The following SHTN1 variants were observed in gnomAD, a reference collection of about 807,000 sequenced individuals.
SHTN1 encodes shootin-1.
A neutral mutation model predicts 83.1 loss-of-function variants in SHTN1; 42 were observed. That is an observed-to-expected ratio of 0.51 (90% CI 0.39 to 0.65). SHTN1 has a LOEUF of 0.65. SHTN1 is among the 30% of genes least tolerant of loss of function. SHTN1 has a pLI of 0.00. For missense variants in SHTN1, 622 were observed against 737.8 expected, an observed-to-expected ratio of 0.84 and a Z score of 1.82; for synonymous variants, 224 against 247.7, an observed-to-expected ratio of 0.90 and a Z score of 0.90.
intron 1 of SHTN1, among the ~76,000 whole-genome samples, chr10:117,097,979 G>C (rs574686694): frequency 6.6e-6 from 1 of 151,916 alleles, no homozygotes; most frequent in African/African-American, 2.4e-5. Flanking sequence ...AATGCTTCAC[G>C]TGAAGTGGAG....
chr10:116,983,641 T>C (rs992670685), intron 1 of SHTN1, among the ~76,000 whole-genome samples: 19 of 118,046 alleles, frequency 1.6e-4, no homozygotes, highest in African/African-American at 7.8e-4. Context: ...TCCAGATAGA[T>C]AGATAGATAG....
chr10:117,012,145 A>AG (rs1852116163), intron 2 of SHTN1, among the ~76,000 whole-genome samples: 1 of 151,728 alleles, frequency 6.6e-6, no homozygotes. Context: ...TCTCAAAAAA[A>AG]AAAAAAAAGA....
chr10:117,116,757 T>A (rs1589938848), intron 1 of SHTN1, among the ~76,000 whole-genome samples: 1 of 152,238 alleles, frequency 6.6e-6, no homozygotes, highest in East Asian at 1.9e-4. Flanking sequence ...TGGTTCAACA[T>A]ACACAAAGTA....
intron 1 of SHTN1, among the ~76,000 whole-genome samples, chr10:116,981,885 C>T (rs1851033121): frequency 6.6e-6 from 1 of 152,014 alleles, no homozygotes. Context: ...GGTGAAACAC[C>T]GTCTCTACTA....
intron 1 of SHTN1, among the ~76,000 whole-genome samples, chr10:116,999,926 C>CATAA (rs1242417237): frequency 2.0e-5 from 3 of 152,076 alleles, no homozygotes; most frequent in African/African-American, 2.4e-5. Flanking sequence ...TAAATAAATA[C>CATAA]ATAAATAAAT....
chr10:116,942,235 T>C (rs963088649), intron 8 of SHTN1, among the ~76,000 whole-genome samples: 2 of 150,948 alleles, frequency 1.3e-5, no homozygotes, highest in East Asian at 1.9e-4. Flanking sequence ...TTTTTTGAGA[T>C]GGAGTCTCGC....
chr10:116,997,933 A>T (rs939242329), intron 1 of SHTN1, among the ~76,000 whole-genome samples: 5 of 152,178 alleles, frequency 3.3e-5, no homozygotes, highest in Middle Eastern at 3.2e-3. Context: ...TCTACTAAAA[A>T]TACATAAAAT....
chr10:116,892,537 T>C (rs181317736), intron 16 of SHTN1, among the ~76,000 whole-genome samples: 61 of 152,340 alleles, frequency 4.0e-4, no homozygotes, highest in African/African-American at 1.4e-3. Flanking sequence ...ATTCACCATA[T>C]ATAACATTGG....
At position 117,048,569 on chromosome 10, in the gene SHTN1, A is replaced by G. The variant is rs1053035097; in HGVS notation, c.-188-59T>C. 90 of 592,216 alleles carry G rather than the reference A, an allele frequency of 1.5e-4. No homozygotes were observed. The South Asian group carries it at 2.8e-3, about 18-fold the overall frequency. 36.7% of individuals were successfully genotyped at this position (592,216 alleles called of 1,614,324 possible). On this transcript the variant is annotated intron_variant, in intron 1 of 17. Transcript: ENST00000392901. ...AAAATACTGTAATTACAGTGCAATT[A>G]AGCATACTGCATATTAAACGTGCAA...
At chr10:116,906,409 G>C (rs995422151) in intron 15 of SHTN1, among the ~76,000 whole-genome samples, 1 of 152,056 alleles carries the variant, frequency 6.6e-6, no homozygotes, top group African/African-American at 2.4e-5. Context: ...ATAAATGCCT[G>C]GTTACCTACA....
intron 1 of SHTN1, among the ~76,000 whole-genome samples, chr10:116,983,335 T>C (rs1371987427): frequency 6.6e-6 from 1 of 152,190 alleles, no homozygotes; most frequent in African/African-American, 2.4e-5. Flanking sequence ...TACAGCAAAG[T>C]ACCTCAAATT....
chr10:117,110,299 CAA>C (rs1037654871), intron 1 of SHTN1, among the ~76,000 whole-genome samples: 2 of 152,280 alleles, frequency 1.3e-5, no homozygotes, highest in African/African-American at 4.8e-5. Context: ...CTGTCAAAAT[CAA>C]AGAGGCAGTC....
intron 1 of SHTN1, among the ~76,000 whole-genome samples, chr10:117,079,802 T>C (rs1853230392): frequency 6.8e-6 from 1 of 147,458 alleles, no homozygotes; most frequent in Non-Finnish European, 1.5e-5. Context: ...GATGAGCACT[T>C]TTTCATGTGT....
intron 12 of SHTN1, among the ~76,000 whole-genome samples, chr10:116,916,718 G>A (rs1848397132): frequency 6.6e-6 from 1 of 152,128 alleles, no homozygotes; most frequent in Non-Finnish European, 1.5e-5. Context: ...CATTCCTCTT[G>A]TGTAAGCGCC....
At chr10:116,998,330 C>T (rs1851703698) in intron 1 of SHTN1, among the ~76,000 whole-genome samples, 1 of 151,962 alleles carries the variant, frequency 6.6e-6, no homozygotes, top group African/African-American at 2.4e-5. Flanking sequence ...CAGTAGTTTC[C>T]CTCTTATCTA....
At chr10:117,056,706 G>A (rs1852831107) in intron 1 of SHTN1, among the ~76,000 whole-genome samples, 1 of 152,170 alleles carries the variant, frequency 6.6e-6, no homozygotes, top group Non-Finnish European at 1.5e-5. Context: ...AGCTACTCAT[G>A]AGGCTGAGGC....
At chr10:116,997,348 GCATT>G (rs1342149365) in intron 1 of SHTN1, among the ~76,000 whole-genome samples, 9 of 152,214 alleles carry the variant, frequency 5.9e-5, no homozygotes, top group Non-Finnish European at 1.0e-4. Context: ...TGCACTGCAT[GCATT>G]AATAAACTTG....
At chr10:117,086,764 A>G (rs78405684) in intron 1 of SHTN1, among the ~76,000 whole-genome samples, 2,039 of 152,324 alleles carry the variant, frequency 0.013, 61 homozygotes, top group African/African-American at 0.047. Context: ...TATACCCGAA[A>G]GAATTGAAAA....
rs552450265 is a variant in SHTN1 at position 116,971,651 on chromosome 10, G to A, written c.112-2939C>T. ...AGGCACAAAAAGAAACCTAGTTTCC[G>A]ACTAGGCTCAAACTCCTGAGTCATG... On this transcript the variant is annotated intron_variant, in intron 2 of 16. Coordinates refer to ENST00000355371, the MANE Select transcript of SHTN1 (RefSeq NM_001127211.3). Among the ~76,000 whole-genome samples, 9 of 152,256 alleles carry A rather than the reference G, an allele frequency of 5.9e-5. No individual in the cohort carries two copies. The South Asian group carries it at 8.3e-4, about 14-fold the overall frequency.
Sources: allele counts gnomAD v4.1 joint callset (sites outside exome capture counted in the v4.1 genomes callset), GRCh38; gene constraint gnomAD v4.1.1; transcripts MANE v1.5; gene names NCBI Gene and HGNC (gene_info 2026-07-23, HGNC 2026-07-21).